The following FER variants were observed in gnomAD, a reference collection of about 807,000 sequenced individuals.
FER encodes the protein tyrosine-protein kinase Fer.
Under a neutral mutation model 111.0 loss-of-function variants are expected in FER, and 63 were observed. The ratio of observed to expected loss-of-function variants is 0.57; its 90% CI spans 0.46 to 0.70. The LOEUF (loss-of-function observed/expected upper bound fraction) is 0.70. Among genes scored for constraint, FER ranks in the 30% least tolerant of loss-of-function variants. The probability of loss-of-function intolerance (pLI) is 0.00; values close to 1 mark genes in which losing one functional copy is unlikely to be tolerated. For synonymous variants in FER, 327 were observed against 313.9 expected, an observed-to-expected ratio of 1.04 and a Z score of -0.44; for missense variants, 914 against 954.0, an observed-to-expected ratio of 0.96 and a Z score of 0.55.
chr5:108,785,051 T>C (rs1754530096), intron 2 of FER: 2 of 377,612 alleles, frequency 5.3e-6, no homozygotes, highest in African/African-American at 2.1e-5. Flanking sequence ...AGTCACAGAG[T>C]GGGTGTCTTG....
intron 10 of FER, among the ~76,000 whole-genome samples, chr5:108,936,137 C>G (rs1755439199): frequency 6.6e-6 from 1 of 151,984 alleles, no homozygotes; most frequent in African/African-American, 2.4e-5. Flanking sequence ...GCTCACAGTC[C>G]TGGCTCACAC....
chr5:109,170,616 CATA>C (rs1757007040), intron 17 of FER, among the ~76,000 whole-genome samples: 1 of 152,156 alleles, frequency 6.6e-6, no homozygotes, highest in African/African-American at 2.4e-5. Context: ...GTGCCTGACA[CATA>C]ATAGGTGTCA....
intron 2 of FER, among the ~76,000 whole-genome samples, chr5:108,772,793 G>A (rs918606417): frequency 6.6e-6 from 1 of 152,132 alleles, no homozygotes; most frequent in African/African-American, 2.4e-5. Context: ...ACCCTCCATT[G>A]CCTATACTCA....
At chr5:109,002,198 C>T (rs1198913554) in intron 13 of FER, among the ~76,000 whole-genome samples, 1 of 151,814 alleles carries the variant, frequency 6.6e-6, no homozygotes, top group Non-Finnish European at 1.5e-5. Flanking sequence ...AAGCTGGAGG[C>T]ATCACGCTAC....
chr5:109,051,352 C>T (rs1456315228), intron 16 of FER: 30 of 1,609,438 alleles, frequency 1.9e-5, no homozygotes, highest in Middle Eastern at 1.6e-4. Flanking sequence ...GCTGCTGGCA[C>T]GACTGCTGGC....
chr5:109,078,898 C>T (rs769726660), intron 16 of FER, among the ~76,000 whole-genome samples: 6 of 152,156 alleles, frequency 3.9e-5, no homozygotes, highest in Non-Finnish European at 7.4e-5. Context: ...ATATAGCTTA[C>T]CAGGTAAATC....
intron 13 of FER, among the ~76,000 whole-genome samples, chr5:108,968,330 T>G (rs1760175531): frequency 6.6e-6 from 1 of 152,070 alleles, no homozygotes; most frequent in Admixed American, 6.6e-5. Context: ...GAGGTTGCAG[T>G]GAGCCAAGAT....
intron 3 of FER, among the ~76,000 whole-genome samples, chr5:108,800,425 A>G (rs1756511793): frequency 6.6e-6 from 1 of 151,800 alleles, no homozygotes. Context: ...GTCATGGCTC[A>G]TTGCAGCCTT....
intron 12 of FER, among the ~76,000 whole-genome samples, chr5:108,958,977 G>T (rs937779472): frequency 7.2e-5 from 11 of 151,754 alleles, no homozygotes; most frequent in African/African-American, 2.4e-4. Flanking sequence ...ATTTGAATTA[G>T]ATTTAAACAT....
At chr5:108,775,249 A>G (rs906437080) in intron 2 of FER, among the ~76,000 whole-genome samples, 11 of 152,200 alleles carry the variant, frequency 7.2e-5, no homozygotes, top group Admixed American at 3.3e-4. Flanking sequence ...CCATTTGTCT[A>G]TATATCTGTT....
At chr5:108,917,967 A>C (rs1752482581) in intron 10 of FER, among the ~76,000 whole-genome samples, 1 of 152,094 alleles carries the variant, frequency 6.6e-6, no homozygotes, top group Non-Finnish European at 1.5e-5. Context: ...TACTCCCCAG[A>C]GTATTTGAGG....
At chr5:108,785,444 G>T in intron 2 of FER, 6 of 580,212 alleles carry the variant, frequency 1.0e-5, no homozygotes, top group Non-Finnish European at 2.1e-5. Flanking sequence ...TGGCAGCAAG[G>T]CAGAACCACC....
intron 17 of FER, among the ~76,000 whole-genome samples, chr5:109,138,668 T>G (rs901321669): frequency 1.3e-5 from 2 of 152,162 alleles, no homozygotes; most frequent in African/African-American, 4.8e-5. Flanking sequence ...TCACTCTATT[T>G]TAATATCAGT....
chr5:108,806,277 T>G (rs1046986634), intron 3 of FER, among the ~76,000 whole-genome samples: 1 of 152,176 alleles, frequency 6.6e-6, no homozygotes, highest in African/African-American at 2.4e-5. Flanking sequence ...TCTGAGGATG[T>G]GTGGAAATGC....
chr5:108,848,259 A>G (rs1163813893), intron 5 of FER, among the ~76,000 whole-genome samples: 6 of 152,112 alleles, frequency 3.9e-5, no homozygotes, highest in African/African-American at 1.4e-4. Flanking sequence ...GCATATAGTT[A>G]TCTCTTTTGT....
At chr5:108,827,218 C>T (rs905360786) in intron 3 of FER, among the ~76,000 whole-genome samples, 2 of 152,142 alleles carry the variant, frequency 1.3e-5, no homozygotes, top group African/African-American at 2.4e-5. Flanking sequence ...ATCTTCAACA[C>T]TTTTGGAAAA....
At chr5:109,113,653 T>C (rs1217546256) in intron 17 of FER, among the ~76,000 whole-genome samples, 1 of 152,202 alleles carries the variant, frequency 6.6e-6, no homozygotes, top group Non-Finnish European at 1.5e-5. Flanking sequence ...GGTGGAACTA[T>C]ATTCATGTTG....
intron 13 of FER, among the ~76,000 whole-genome samples, chr5:108,992,131 G>T (rs1388436173): frequency 6.6e-6 from 1 of 152,014 alleles, no homozygotes; most frequent in Non-Finnish European, 1.5e-5. Context: ...ATCTTGCACC[G>T]CCCTTAATCC....
At chr5:109,173,346 G>T (rs1757335105) in intron 17 of FER, among the ~76,000 whole-genome samples, 1 of 152,192 alleles carries the variant, frequency 6.6e-6, no homozygotes, top group Non-Finnish European at 1.5e-5. Flanking sequence ...ACAGGCCTCT[G>T]TTTCTCCAGA....
Sources: gnomAD v4.1 joint callset for allele counts (sites outside exome capture counted in the v4.1 genomes callset) on GRCh38, gnomAD v4.1.1 for gene constraint, MANE v1.5 for transcripts, NCBI Gene and HGNC (gene_info 2026-07-23, HGNC 2026-07-21) for gene names.